Variants in DNAH6 observed in about 807,000 individuals in gnomAD.
DNAH6 encodes axonemal beta dynein heavy chain 6.
In DNAH6, 340 loss-of-function variants were observed where a neutral mutation model predicts 491.4. That is an observed-to-expected ratio of 0.69 (90% CI 0.63 to 0.76). DNAH6 has a LOEUF of 0.76. DNAH6 is among the 30% of genes least tolerant of loss of function. The pLI, the probability that DNAH6 is intolerant of heterozygous loss-of-function variation, is 0.00. For synonymous variants in DNAH6, 1,603 were observed against 1,686.1 expected, an observed-to-expected ratio of 0.95 and a Z score of 1.21; for missense variants, 4,443 against 4,972.2, an observed-to-expected ratio of 0.89 and a Z score of 3.20.
the DNAH6 span, among the ~76,000 whole-genome samples, chr2:84,508,542 A>T: frequency 4.5e-4 from 69 of 152,112 alleles, no homozygotes; most frequent in Non-Finnish European, 2.6e-4. Flanking sequence ...TGATTTTTTG[A>T]AGGGTTTTTA....
intron 33 of DNAH6, among the ~76,000 whole-genome samples, chr2:84,648,312 C>T (rs1383647912): frequency 6.6e-6 from 1 of 152,202 alleles, no homozygotes; most frequent in Non-Finnish European, 1.5e-5. Context: ...AACACAACAT[C>T]CATTCTGTAG....
intron 2 of DNAH6, among the ~76,000 whole-genome samples, chr2:84,518,564 AC>A (rs1355259713): frequency 6.6e-6 from 1 of 152,206 alleles, no homozygotes; most frequent in Admixed American, 6.5e-5. Context: ...TGTCCTCTCC[AC>A]CATTAGACGT....
At chr2:84,579,356 T>TCAC (rs1682786134) in intron 13 of DNAH6, among the ~76,000 whole-genome samples, 171 bp from the exon 14 acceptor site, 1 of 152,220 alleles carries the variant, frequency 6.6e-6, no homozygotes. Flanking sequence ...AACCTGGCCT[T>TCAC]CCTGTTGGCT....
chr2:84,575,160 C>T (rs1682298931), intron 12 of DNAH6, among the ~76,000 whole-genome samples: 1 of 152,126 alleles, frequency 6.6e-6, no homozygotes, highest in African/African-American at 2.4e-5. Flanking sequence ...TGGGCTTTGC[C>T]CTTGGATATC....
intron 33 of DNAH6, among the ~76,000 whole-genome samples, chr2:84,642,454 T>C (rs890532820): frequency 6.6e-6 from 1 of 152,164 alleles, no homozygotes; most frequent in African/African-American, 2.4e-5. Flanking sequence ...AAAAAGAAAA[T>C]AGTTTCATAA....
At chr2:84,730,249 A>C (rs1699013683) in intron 61 of DNAH6, among the ~76,000 whole-genome samples, 1 of 152,210 alleles carries the variant, frequency 6.6e-6, no homozygotes, top group Non-Finnish European at 1.5e-5. Context: ...AGAAGTAGGC[A>C]TTTCCAGGAT....
At chr2:84,544,582 G>A in intron 5 of DNAH6, 82 bp downstream of exon 5, 1 of 772,918 alleles carries the variant, frequency 1.3e-6, no homozygotes, top group Non-Finnish European at 2.0e-6. Context: ...GGTATAGACT[G>A]TTCTTGAAAT....
Position 84,709,427 on chromosome 2 carries a change from C to G in DNAH6, c.9133C>G (p.Pro3045Ala). 6.4e-7 allele frequency: 1 copy of G among 1,551,636 alleles called. No homozygotes were observed. The highest frequency in any genetic ancestry group is 8.7e-7 in the Non-Finnish European group (1 of 1,146,998). Residue 3045 changes from proline to alanine, a missense_variant, in exon 55 of 77, where the codon CCC becomes GCC. Around this residue, in one of 3 missense-constraint regions of DNAH6, gnomAD observed 1,463 missense variants for 1,656.6 expected, o/e 0.88. Coordinates refer to ENST00000389394, the MANE Select transcript of DNAH6 (RefSeq NM_001370.2). ...SFSLINILGDPYEIRQWNTDG... is the reference protein window; with the variant it reads ...SFSLINILGDAYEIRQWNTDG... ...CAGTCTCATTAACATTCTTGGAGATCCCTACGAGATACGGCAGTGGAACAC... is the reference window on the plus strand; with the variant it reads ...CAGTCTCATTAACATTCTTGGAGATGCCTACGAGATACGGCAGTGGAACAC...
At chr2:84,461,929 C>T in the DNAH6 span, among the ~76,000 whole-genome samples, 10 of 152,252 alleles carry the variant, frequency 6.6e-5, no homozygotes, top group Middle Eastern at 3.4e-3. Flanking sequence ...ACATCCCAGC[C>T]GGCTCAGATA....
intron 39 of DNAH6, among the ~76,000 whole-genome samples, chr2:84,670,697 A>G (rs1692653656): frequency 6.6e-6 from 1 of 152,220 alleles, no homozygotes; most frequent in African/African-American, 2.4e-5. Context: ...GAACATCTTC[A>G]ATCTCTGCCT....
At chr2:84,800,085 C>T (rs1678745824) in intron 70 of DNAH6, among the ~76,000 whole-genome samples, 1 of 152,154 alleles carries the variant, frequency 6.6e-6, no homozygotes, top group African/African-American at 2.4e-5. Flanking sequence ...ACAAAAATAA[C>T]ATTGCTACAA....
At position 84,548,405 on chromosome 2, in the gene DNAH6, T is replaced by C. The variant is rs1679004006; in HGVS notation, c.1304T>C (p.Met435Thr). ...CAGGCCAGCAAAAGGCATTATTGCA[T>C]GAGGCTGACGTGGTAAGATTATTCT... ...TEQASKRHYC[M>T]RLTCFIRLND... Residue 435 changes from methionine to threonine, a missense_variant, in exon 8 of 77, where the codon ATG (methionine) becomes ACG (threonine). Around this residue, in one of 3 missense-constraint regions of DNAH6, gnomAD observed 2,977 missense variants for 3,296.6 expected, o/e 0.90. Coordinates refer to ENST00000389394, the MANE Select transcript of DNAH6 (RefSeq NM_001370.2). 6.2e-7 allele frequency: 1 copy of C among 1,613,824 alleles called. No homozygotes were observed. Among genetic ancestry groups the C allele is most frequent in the African/African-American group, 1.3e-5 (1 of 74,914 alleles).
intron 65 of DNAH6, among the ~76,000 whole-genome samples, chr2:84,783,340 C>A (rs1413909530): frequency 1.3e-5 from 2 of 152,126 alleles, no homozygotes; most frequent in Admixed American, 1.3e-4. Flanking sequence ...CCCTAAAATT[C>A]TATGATGTCT....
chr2:84,725,960 A>C (rs1698583442), intron 60 of DNAH6, among the ~76,000 whole-genome samples: 1 of 152,202 alleles, frequency 6.6e-6, no homozygotes, highest in African/African-American at 2.4e-5. Flanking sequence ...CAAAACTTTC[A>C]GGAGAATCAA....
intron 42 of DNAH6, 101 bp downstream of exon 42, chr2:84,681,629 T>C (rs750648592): frequency 5.4e-5 from 59 of 1,084,834 alleles, no homozygotes; most frequent in Non-Finnish European, 7.1e-5. Flanking sequence ...TGTTGGTGAC[T>C]CACCCAGAAA....
At chr2:84,688,293 C>A in intron 44 of DNAH6, 146 bp from the exon 45 acceptor site, 7 of 546,838 alleles carry the variant, frequency 1.3e-5, no homozygotes, top group South Asian at 7.0e-5. Flanking sequence ...AAAATCAAAA[C>A]CCTATTTCTG....
intron 4 of DNAH6, among the ~76,000 whole-genome samples, chr2:84,531,865 A>G (rs941193185): frequency 2.0e-5 from 3 of 152,128 alleles, no homozygotes; most frequent in Non-Finnish European, 4.4e-5. Flanking sequence ...TGTCATTCCT[A>G]CCACTACTTT....
chr2:84,587,990 T>A (rs879771940), intron 15 of DNAH6, among the ~76,000 whole-genome samples: 3 of 152,168 alleles, frequency 2.0e-5, no homozygotes, highest in Non-Finnish European at 4.4e-5. Context: ...TAGCCTACAA[T>A]CCCAAGTAAT....
chr2:84,599,054 A>G (rs1187421067), intron 18 of DNAH6, among the ~76,000 whole-genome samples: 1 of 150,494 alleles, frequency 6.6e-6, no homozygotes, highest in African/African-American at 2.5e-5. Context: ...AAAAAAAGTC[A>G]TAATTTGCAT....
Sources: allele counts gnomAD v4.1 joint callset (sites outside exome capture counted in the v4.1 genomes callset), GRCh38; gene constraint gnomAD v4.1.1; regional missense constraint gnomAD v4.1.1; transcripts MANE v1.5; gene names NCBI Gene and HGNC (gene_info 2026-07-23, HGNC 2026-07-21).